The following TEX9 variants were observed in gnomAD, a reference collection of about 807,000 sequenced individuals.
TEX9 encodes the protein testis expressed 9.
TEX9 carries 74 observed loss-of-function variants against 59.6 expected under a neutral mutation model. That is an observed-to-expected ratio of 1.24 (90% CI 1.03 to 1.51). The LOEUF (loss-of-function observed/expected upper bound fraction) is 1.51. TEX9 is among the 40% of genes most tolerant of loss of function. The probability of loss-of-function intolerance (pLI) is 0.00; values close to 1 mark genes in which losing one functional copy is unlikely to be tolerated. For synonymous variants in TEX9, 186 were observed against 152.2 expected (o/e 1.22, Z -1.64); for missense variants, 522 against 447.8 (o/e 1.17, Z -1.49).
intron 1 of TEX9, among the ~76,000 whole-genome samples, chr15:56,281,143 A>G (rs2044808914): frequency 6.6e-6 from 1 of 152,218 alleles, no homozygotes; most frequent in African/African-American, 2.4e-5. Flanking sequence ...TTTTGAATAT[A>G]AGGGTTCCTA....
chr15:56,456,580 G>T, the TEX9 span: 2 of 1,561,984 alleles, frequency 1.3e-6, no homozygotes, highest in Non-Finnish European at 1.7e-6. Context: ...TTTCATCAAG[G>T]TTGAATTTGT....
At chr15:56,268,494 G>A (rs753281612) in intron 1 of TEX9, among the ~76,000 whole-genome samples, 4 of 152,102 alleles carry the variant, frequency 2.6e-5, no homozygotes, top group South Asian at 2.1e-4. Context: ...TTTGAGATAC[G>A]TCCCATCAAT....
At chr15:56,373,406 A>C (rs1362316647) in intron 2 of TEX9, 35 bp from the exon 3 acceptor site, 1 of 1,575,906 alleles carries the variant, frequency 6.3e-7, no homozygotes, top group South Asian at 1.2e-5. Context: ...TTTTGTTAAG[A>C]TCTTCAGTAT....
At chr15:56,386,610 G>A (rs748028469) in intron 4 of TEX9, among the ~76,000 whole-genome samples, 9 of 151,736 alleles carry the variant, frequency 5.9e-5, no homozygotes, top group South Asian at 2.1e-4. Context: ...ATATGTATGC[G>A]TACATATACC....
intron 1 of TEX9, among the ~76,000 whole-genome samples, chr15:56,295,320 G>A (rs1294863334): frequency 1.3e-5 from 2 of 152,158 alleles, no homozygotes; most frequent in Non-Finnish European, 2.9e-5. Context: ...CTTTGTAAAT[G>A]TGGCTATTAC....
At chr15:56,446,979 G>T (rs77189834), downstream of TEX9, 1 of 1,434,764 alleles carries the variant, frequency 7.0e-7, no homozygotes. Context: ...TAAATGTTAG[G>T]ACCATAAGAG....
chr15:56,322,875 G>A (rs1596088684), intron 1 of TEX9, among the ~76,000 whole-genome samples: 1 of 152,234 alleles, frequency 6.6e-6, no homozygotes, highest in Non-Finnish European at 1.5e-5. Context: ...ACAAGGTGGT[G>A]GGAATGATGC....
chr15:56,335,236 T>C (rs1323980605), intron 1 of TEX9, among the ~76,000 whole-genome samples: 1 of 152,160 alleles, frequency 6.6e-6, no homozygotes, highest in African/African-American at 2.4e-5. Flanking sequence ...ATAGCCAGTA[T>C]ATACAAGCAA....
intron 1 of TEX9, among the ~76,000 whole-genome samples, chr15:56,275,752 A>G (rs979475502): frequency 2.0e-5 from 3 of 151,928 alleles, no homozygotes; most frequent in Admixed American, 1.3e-4. Flanking sequence ...ACTTTTCTGA[A>G]CTGTACTTTT....
At chr15:56,341,713 A>C (rs2046374906) in intron 1 of TEX9, among the ~76,000 whole-genome samples, 1 of 152,212 alleles carries the variant, frequency 6.6e-6, no homozygotes, top group African/African-American at 2.4e-5. Context: ...TTATTTAAAT[A>C]ACTGATTTAA....
At chr15:56,453,224 AT>A in the TEX9 span, among the ~76,000 whole-genome samples, 4 of 152,170 alleles carry the variant, frequency 2.6e-5, no homozygotes, top group Admixed American at 2.0e-4. Context: ...CATAATAAAT[AT>A]TTTATACATT....
chr15:56,262,809 G>T (rs1239681996), intron 1 of TEX9, among the ~76,000 whole-genome samples: 7 of 152,122 alleles, frequency 4.6e-5, no homozygotes, highest in African/African-American at 1.7e-4. Context: ...ATTTAGGATT[G>T]TTGTGTTTTC....
intron 4 of TEX9, among the ~76,000 whole-genome samples, chr15:56,388,065 A>T (rs1379815921): frequency 6.6e-6 from 1 of 152,016 alleles, no homozygotes; most frequent in East Asian, 1.9e-4. Flanking sequence ...TTCACAATAT[A>T]ATGAGGAAAA....
chr15:56,460,006 A>T, the TEX9 span, among the ~76,000 whole-genome samples: 1 of 57,686 alleles, frequency 1.7e-5, no homozygotes, highest in African/African-American at 6.3e-5. Flanking sequence ...AAAAAAAAAA[A>T]AAAATACATA....
chr15:56,448,577 A>C (rs1222571914), downstream of TEX9, among the ~76,000 whole-genome samples: 1 of 152,054 alleles, frequency 6.6e-6, no homozygotes, highest in African/African-American at 2.4e-5. Flanking sequence ...CATTGTTTTT[A>C]TGTCTGTAGA....
intron 10 of TEX9, among the ~76,000 whole-genome samples, chr15:56,426,427 C>CTGAT (rs2050248067): frequency 6.6e-6 from 1 of 150,484 alleles, no homozygotes; most frequent in African/African-American, 2.4e-5. Flanking sequence ...TGCTGACTGA[C>CTGAT]TGATTGGTTT....
chr15:56,418,834 A>G (rs2049829282), intron 10 of TEX9, among the ~76,000 whole-genome samples: 1 of 151,968 alleles, frequency 6.6e-6, no homozygotes, highest in South Asian at 2.1e-4. Flanking sequence ...GCTTTGAGCA[A>G]GTAACCAAGC....
chr15:56,259,467 T>C (rs1056647970), intron 1 of TEX9, among the ~76,000 whole-genome samples: 1 of 152,108 alleles, frequency 6.6e-6, no homozygotes, highest in African/African-American at 2.4e-5. Flanking sequence ...GTCTGTTTCA[T>C]GTGAATTATT....
chr15:56,347,705 A>G (rs1025790950), intron 1 of TEX9, among the ~76,000 whole-genome samples: 6 of 152,124 alleles, frequency 3.9e-5, no homozygotes, highest in African/African-American at 1.4e-4. Flanking sequence ...AGGCCCAGGC[A>G]AAGAGTTCTT....
Sources: allele counts gnomAD v4.1 joint callset (sites outside exome capture counted in the v4.1 genomes callset), GRCh38; gene constraint gnomAD v4.1.1; transcripts MANE v1.5; gene names NCBI Gene and HGNC (gene_info 2026-07-23, HGNC 2026-07-21).